The following PCDHA3 variants were observed in gnomAD, a reference collection of about 807,000 sequenced individuals.
PCDHA3 encodes protocadherin alpha-3.
A neutral mutation model predicts 62.2 loss-of-function variants in PCDHA3; 41 were observed. The ratio of observed to expected loss-of-function variants is 0.66; its 90% CI spans 0.51 to 0.86. The LOEUF (loss-of-function observed/expected upper bound fraction) is 0.86, where lower values mean the gene tolerates loss of function less well. PCDHA3 is among the 40% of genes least tolerant of loss of function. The pLI is 0.00. For missense variants in PCDHA3, 1,304 were observed against 1,241.2 expected (o/e 1.05, Z -0.76); for synonymous variants, 640 against 555.4 (o/e 1.15, Z -2.14).
At chr5:140,909,772 A>T (rs2074681843) in intron 1 of PCDHA3, among the ~76,000 whole-genome samples, 1 of 152,166 alleles carries the variant, frequency 6.6e-6, no homozygotes, top group Non-Finnish European at 1.5e-5. Context: ...CCAGGGACCC[A>T]CTGGACCCAC....
rs782666755 is a variant in PCDHA3, at chr5:140,802,543, A to G, written c.1346A>G (p.Asn449Ser). Residue 449 changes from asparagine to serine, a missense_variant, in exon 1 of 4, where the codon AAC becomes AGC. By Grantham distance (46) the Asn-to-Ser change is conservative (BLOSUM62 1). Coordinates refer to ENST00000522353, the MANE Select transcript of PCDHA3 (RefSeq NM_018906.3). ...ASVSVEVADV[N>S]DNAPAFSQSE... ...GTGTCCGTGGAGGTGGCCGACGTGA[A>G]CGACAATGCGCCGGCATTCTCGCAG... 14 of 1,614,044 alleles carry G rather than the reference A, an allele frequency of 8.7e-6. No homozygotes were observed. Among genetic ancestry groups the G allele is most frequent in the Non-Finnish European group, 1.1e-5 (13 of 1,180,034 alleles).
At chr5:140,877,390 G>C in intron 1 of PCDHA3, 1 of 1,613,986 alleles carries the variant, frequency 6.2e-7, no homozygotes, top group Non-Finnish European at 8.5e-7. Flanking sequence ...CCTGGATGAG[G>C]CGGACGCTCC....
chr5:140,886,129 A>G (rs1428853250), intron 1 of PCDHA3, among the ~76,000 whole-genome samples: 1 of 152,224 alleles, frequency 6.6e-6, no homozygotes, highest in Non-Finnish European at 1.5e-5. Flanking sequence ...TTCCGTAACA[A>G]CCAGATTCTT....
At chr5:140,824,621 T>TTTTTTTTTTG (rs1768258385) in intron 1 of PCDHA3, 1 of 130,846 alleles carries the variant, frequency 7.6e-6, no homozygotes, top group South Asian at 2.3e-4. Context: ...TTTTTTTTTT[T>TTTTTTTTTTG]TTTTTTTTTT....
chr5:140,806,949 T>G, intron 1 of PCDHA3: 1 of 585,050 alleles, frequency 1.7e-6, no homozygotes, highest in Non-Finnish European at 3.0e-6. Flanking sequence ...GTAGAGTGTG[T>G]GGGGGTTTCC....
intron 1 of PCDHA3, chr5:140,835,626 C>T: frequency 6.2e-6 from 10 of 1,613,880 alleles, no homozygotes; most frequent in Admixed American, 1.7e-5. Context: ...CGCTCTGGAC[C>T]GCGAGAGTGT....
rs892987704 is a variant in PCDHA3, at chr5:140,988,405, C to A, written c.2542+5842C>A. Among the ~76,000 whole-genome samples, 31 of 152,248 alleles carry A rather than the reference C, an allele frequency of 2.0e-4. No individual in the cohort carries two copies. In the East Asian group the frequency reaches 5.6e-3, roughly 28 times the overall value. The stretch of plus-strand genomic sequence containing the variant: ...ATTGTGTTTGCCAGAGTTCTCTTCG[C>A]AGCTTATGTAAAGAATTTGTTTGTT... On this transcript the variant is annotated intron_variant, in intron 3 of 3. Transcript: ENST00000522353.
In PCDHA3 at chr5:140,835,839, A is replaced by G. The variant is rs2150246245; in HGVS notation, c.2394+32248A>G. On this transcript the variant is annotated intron_variant, in intron 1 of 3. Coordinates refer to ENST00000522353, the MANE Select transcript of PCDHA3 (RefSeq NM_018906.3). ...GTCGGCGGGGGACGCGGACGCGCAG[A>G]AGAACGCGCTGGTGTCCTACTCGCT... 1.9e-5 allele frequency: 31 copies of G among 1,612,256 alleles called. No individual in the cohort carries two copies. The Admixed American group carries it at 4.2e-4, about 22-fold the overall frequency.
chr5:140,852,628 G>A, intron 1 of PCDHA3: 1 of 953,102 alleles, frequency 1.0e-6, no homozygotes, highest in Non-Finnish European at 1.3e-6. Context: ...TGGTCTCTGA[G>A]CTCCTGTCAT....
At position 140,924,017 on chromosome 5, in the gene PCDHA3, T is replaced by C. The variant is rs2081624736; in HGVS notation, c.2395-54932T>C. Among the ~76,000 whole-genome samples, 3 of 152,218 alleles carry C rather than the reference T, an allele frequency of 2.0e-5. No individual in the cohort carries two copies. In the South Asian group the frequency reaches 6.2e-4, roughly 32 times the overall value. On this transcript the variant is annotated intron_variant, in intron 1 of 3. Transcript: ENST00000522353. ...CTCAGAATTCCTAAACCTGGTATAA[T>C]TGGAGGCATGGCTGCAGACCTAAAA...
rs544401230 is a variant in PCDHA3 at position 140,855,171 on chromosome 5, C to A, written c.2394+51580C>A. On this transcript the variant is annotated intron_variant, in intron 1 of 3. Coordinates refer to ENST00000522353, the MANE Select transcript of PCDHA3 (RefSeq NM_018906.3). ...AATTTGGTATTGAGCCTCATGAAAA[C>A]AAATGTGGCCAAATTGAGGCCTGAG... Among the ~76,000 whole-genome samples the A allele has an allele frequency of 6.9e-4, 104 of 149,830 alleles. 7 individuals are homozygous for A. Among genetic ancestry groups the A allele is most frequent in the African/African-American group, 2.4e-3 (100 of 41,004 alleles).
At chr5:140,810,363 T>C (rs1453953987) in intron 1 of PCDHA3, 3 of 152,234 alleles carry the variant, frequency 2.0e-5, no homozygotes, top group Non-Finnish European at 4.4e-5. Context: ...GTTGTGTTTG[T>C]GGGTCACAGA....
chr5:140,934,103 T>C (rs1400037088), intron 1 of PCDHA3, among the ~76,000 whole-genome samples: 1 of 152,148 alleles, frequency 6.6e-6, no homozygotes, highest in Non-Finnish European at 1.5e-5. Context: ...TGCTTTCTAT[T>C]TTATTAATTT....
intron 1 of PCDHA3, among the ~76,000 whole-genome samples, chr5:140,922,848 C>A (rs1345344826): frequency 6.6e-6 from 1 of 151,962 alleles, no homozygotes; most frequent in Non-Finnish European, 1.5e-5. Context: ...TCAAAGAGAC[C>A]AAATACATAG....
intron 1 of PCDHA3, chr5:140,824,610 G>GTTTTTTTGTTTTTTTTTT (rs1768198907): frequency 1.1e-5 from 1 of 95,104 alleles, no homozygotes; most frequent in African/African-American, 4.9e-5. Context: ...GCTAATTAAA[G>GTTTTTTTGTTTTTTTTTT]TTTTTTTTTT....
intron 1 of PCDHA3, among the ~76,000 whole-genome samples, chr5:140,933,949 G>A (rs184768008): frequency 6.6e-6 from 1 of 151,792 alleles, no homozygotes; most frequent in African/African-American, 2.4e-5. Flanking sequence ...CACATCTGCA[G>A]GATCTGTAGT....
intron 1 of PCDHA3, among the ~76,000 whole-genome samples, chr5:140,918,947 G>T (rs56003): frequency 0.32 from 48,109 of 152,058 alleles, 7,963 homozygotes; most frequent in East Asian, 0.53. Context: ...ATAATATCCT[G>T]AACAGACTAA....
At chr5:140,939,152 G>A (rs1486129737) in intron 1 of PCDHA3, among the ~76,000 whole-genome samples, 20 of 152,068 alleles carry the variant, frequency 1.3e-4, no homozygotes, top group Admixed American at 1.2e-3. Context: ...CAAGGTCCTG[G>A]CAGATTTGTG....
chr5:140,857,681 G>C lies in PCDHA3; in HGVS notation c.2394+54090G>C, dbSNP rs2044790199. 3 of 1,596,838 alleles carry C rather than the reference G, an allele frequency of 1.9e-6. No individual in the cohort carries two copies. In the African/African-American group the frequency reaches 4.0e-5, roughly 22 times the overall value. The stretch of plus-strand genomic sequence containing the variant: ...GCGCGATGGGGGCGTGCCGCCTCTG[G>C]GCAGCAACTTGACGCTGCAGGTGTT... On this transcript the variant is annotated intron_variant, in intron 1 of 3. Transcript: ENST00000522353.
Sources: gnomAD v4.1 joint callset for allele counts (sites outside exome capture counted in the v4.1 genomes callset) on GRCh38, gnomAD v4.1.1 for gene constraint, MANE v1.5 for transcripts, NCBI Gene and HGNC (gene_info 2026-07-23, HGNC 2026-07-21) for gene names.